RIC8B: variants seen among roughly 807,000 people sequenced by gnomAD.
RIC8B encodes chaperone Ric-8B.
Under a neutral mutation model 57.5 loss-of-function variants are expected in RIC8B, and 16 were observed. The ratio of observed to expected loss-of-function variants is 0.28; its 90% confidence interval spans 0.19 to 0.42. The LOEUF (loss-of-function observed/expected upper bound fraction) is 0.42, where lower values mean the gene tolerates loss of function less well. Among genes scored for constraint, RIC8B ranks in the 10% least tolerant of loss-of-function variants. The pLI, the probability that RIC8B is intolerant of heterozygous loss-of-function variation, is 1.00. For synonymous variants in RIC8B, 216 were observed against 250.8 expected, an observed-to-expected ratio of 0.86 and a Z score of 1.31; for missense variants, 481 against 677.0, an observed-to-expected ratio of 0.71 and a Z score of 3.21.
At chr12:106,797,764 A>G (rs1016534480) in intron 2 of RIC8B, among the ~76,000 whole-genome samples, 2 of 152,210 alleles carry the variant, frequency 1.3e-5, no homozygotes, top group African/African-American at 2.4e-5. Flanking sequence ...CAACAAAGCT[A>G]TAAAGTAGGT....
chr12:106,879,584 T>C lies in RIC8B; in HGVS notation c.1572-6320T>C. The C allele has an allele frequency of 2.0e-6, 2 of 985,330 alleles. No homozygotes were observed. The highest frequency in any genetic ancestry group is 4.7e-5 in the South Asian group (1 of 21,286). The allele number at this position is 985,330 out of a possible 1,614,324, so 61.0% of individuals were successfully genotyped here. On this transcript the variant is annotated intron_variant, in intron 9 of 9. Coordinates refer to ENST00000392837, the MANE Select transcript of RIC8B (RefSeq NM_001330145.2). The surrounding 1 kb of genome is among the most constrained non-coding windows in gnomAD (Gnocchi z 4.9). ...TTAAATATGGTGTAAATTCCGTATC[T>C]CCCATCCCTAGCTCTTTAAGAAATT...
chr12:106,828,233 C>G (rs564440649), intron 4 of RIC8B, among the ~76,000 whole-genome samples: 2 of 152,264 alleles, frequency 1.3e-5, no homozygotes, highest in South Asian at 4.2e-4. Flanking sequence ...TTGCTGCTGA[C>G]TTAACAGTTT....
intron 3 of RIC8B, among the ~76,000 whole-genome samples, chr12:106,821,297 A>G (rs770794665): frequency 6.6e-5 from 10 of 152,204 alleles, no homozygotes; most frequent in African/African-American, 9.7e-5. Context: ...ACGGATATTT[A>G]TGGAGACATA....
At chr12:106,884,148 C>T (rs1255448872) in intron 9 of RIC8B, among the ~76,000 whole-genome samples, 2 of 152,220 alleles carry the variant, frequency 1.3e-5, no homozygotes, top group African/African-American at 4.8e-5. Context: ...CCCCAGGCAG[C>T]CTGGTCAGTG....
intron 1 of RIC8B, among the ~76,000 whole-genome samples, chr12:106,779,226 T>G (rs1434677182): frequency 6.7e-6 from 1 of 149,874 alleles, no homozygotes; most frequent in African/African-American, 2.5e-5. Flanking sequence ...CATATCCTCC[T>G]ATATACATTT....
chr12:106,853,490 A>G lies in RIC8B; in HGVS notation c.1306+1896A>G, dbSNP rs567448370. Among the ~76,000 whole-genome samples, 43 of 46,852 alleles carry G rather than the reference A, an allele frequency of 9.2e-4. 1 individual carries two copies. In the South Asian group the frequency reaches 0.03, roughly 32 times the overall value. 30.7% of individuals were successfully genotyped at this position (46,852 alleles called of 152,430 possible). A position where few individuals can be genotyped will look rare whatever the true frequency, so the allele number is the denominator to read the frequency against. On this transcript the variant is annotated intron_variant, in intron 7 of 9. Transcript: ENST00000392837. ...TTTTTTTTTTTTTTTTTTTTTTGAGACAGAGTCTCACTCCGTCGCCCAGGC... is the reference window on the plus strand; with the variant it reads ...TTTTTTTTTTTTTTTTTTTTTTGAGGCAGAGTCTCACTCCGTCGCCCAGGC...
At chr12:106,791,217 A>G (rs972764533) in intron 2 of RIC8B, among the ~76,000 whole-genome samples, 1 of 152,218 alleles carries the variant, frequency 6.6e-6, no homozygotes, top group African/African-American at 2.4e-5. Context: ...GATAAAAACC[A>G]TACAAAGAAA....
intron 1 of RIC8B, among the ~76,000 whole-genome samples, chr12:106,779,556 A>G (rs1342127391): frequency 6.6e-6 from 1 of 151,590 alleles, no homozygotes; most frequent in Admixed American, 6.6e-5. Flanking sequence ...TAATCTCTAG[A>G]TTACTTATAA....
At position 106,879,617 on chromosome 12, in the gene RIC8B, T is replaced by G. The variant is rs1293997813; in HGVS notation, c.1572-6287T>G. On this transcript the variant is annotated intron_variant, in intron 9 of 9. Transcript: ENST00000392837. This position sits in a 1 kb window ranked among gnomAD's most constrained non-coding sequence, Gnocchi z 4.9. ...CTAGCTCTTTAAGAAATTATTTTTT[T>G]GGTTTCCATTAGCAGTCCCAAGGGT... is the stretch of plus-strand genomic sequence containing the variant. 1.0e-6 allele frequency: 1 copy of G among 985,282 alleles called. No homozygotes were observed. The highest frequency in any genetic ancestry group is 1.2e-6 in the Non-Finnish European group (1 of 829,904). The allele number at this position is 985,282 out of a possible 1,614,324, so 61.0% of individuals were successfully genotyped here.
At chr12:106,874,081 T>G (rs1032881949) in intron 9 of RIC8B, among the ~76,000 whole-genome samples, 7 of 152,208 alleles carry the variant, frequency 4.6e-5, no homozygotes, top group Non-Finnish European at 1.0e-4. Flanking sequence ...ATTCATTTCC[T>G]TTTAACAGTT....
intron 2 of RIC8B, among the ~76,000 whole-genome samples, chr12:106,793,469 A>C (rs575554108): frequency 3.5e-4 from 53 of 152,328 alleles, no homozygotes; most frequent in Admixed American, 7.8e-4. Flanking sequence ...ATATAGGTTA[A>C]CCCAAAGGCC....
intron 9 of RIC8B, among the ~76,000 whole-genome samples, chr12:106,871,900 G>A (rs1044479651): frequency 1.3e-5 from 2 of 152,216 alleles, no homozygotes; most frequent in Non-Finnish European, 2.9e-5. Context: ...GCACAGCAGA[G>A]GCTTAGGGGT....
chr12:106,877,037 A>G (rs1232530711), intron 9 of RIC8B, among the ~76,000 whole-genome samples: 6 of 152,126 alleles, frequency 3.9e-5, no homozygotes, highest in Admixed American at 6.5e-5. Context: ...CTTTTTCTCT[A>G]TATTTTCTTA....
chr12:106,853,451 G>GTTTTTTTTTTT (rs1949563485), intron 7 of RIC8B, among the ~76,000 whole-genome samples: 1 of 51,812 alleles, frequency 1.9e-5, no homozygotes, highest in Non-Finnish European at 3.7e-5. Context: ...CTGCTTTATA[G>GTTTTTTTTTTT]TCTTTTTTTT....
intron 9 of RIC8B, among the ~76,000 whole-genome samples, 171 bp from the exon 10 acceptor site, chr12:106,885,733 A>G: frequency 6.8e-6 from 1 of 146,934 alleles, no homozygotes; most frequent in African/African-American, 2.5e-5. Flanking sequence ...TTTTCTTTCC[A>G]TGCCCCTTTC....
At chr12:106,797,854 A>G (rs1364715017) in intron 2 of RIC8B, 1 of 445,162 alleles carries the variant, frequency 2.2e-6, no homozygotes, top group Non-Finnish European at 4.0e-6. Flanking sequence ...GTTGGAGGCC[A>G]TGATTCGAGC....
intron 2 of RIC8B, among the ~76,000 whole-genome samples, 170 bp downstream of exon 2, chr12:106,784,214 G>A (rs535654521): frequency 2.0e-5 from 3 of 152,214 alleles, no homozygotes; most frequent in South Asian, 4.2e-4. Flanking sequence ...TTTAGTTTGG[G>A]TTACACGTAA....
rs373592174 is a variant in RIC8B, at chr12:106,774,844, C to T, written c.84+15C>T. The T allele has an allele frequency of 1.1e-4, 174 of 1,546,016 alleles. No homozygotes were observed. The highest frequency in any genetic ancestry group is 4.6e-5 in the Non-Finnish European group (53 of 1,143,022). The stretch of plus-strand genomic sequence containing the variant: ...ACAGCGACAAGGTAAAGAGTCCTGG[C>T]CCCGGGCGTGCGGTATCGCACCCCC... On this transcript the variant is annotated intron_variant, in intron 1 of 9. Coordinates refer to ENST00000392837, the MANE Select transcript of RIC8B (RefSeq NM_001330145.2).
chr12:106,834,440 A>G lies in RIC8B; in HGVS notation c.837-8149A>G, dbSNP rs527762549. On this transcript the variant is annotated intron_variant, in intron 4 of 9. Coordinates refer to ENST00000392837, the MANE Select transcript of RIC8B (RefSeq NM_001330145.2). Reference sequence around the variant, plus strand: ...TAACTGGGCATATGTAAATTGTAATATGACCAATGAAGAAAGCAAATGAGT... The same window carrying G: ...TAACTGGGCATATGTAAATTGTAATGTGACCAATGAAGAAAGCAAATGAGT... Among the ~76,000 whole-genome samples the G allele has an allele frequency of 2.4e-4, 36 of 152,358 alleles. 1 individual carries two copies. In the East Asian group the frequency reaches 6.2e-3, roughly 26 times the overall value.
Sources: gnomAD v4.1 joint callset for allele counts (sites outside exome capture counted in the v4.1 genomes callset) on GRCh38, gnomAD v4.1.1 for gene constraint, Gnocchi (gnomAD v3.1) non-coding constraint, MANE v1.5 for transcripts, NCBI Gene and HGNC (gene_info 2026-07-23, HGNC 2026-07-21) for gene names.